Variants in NAT1 observed in about 807,000 individuals in gnomAD.
NAT1 encodes the protein arylamine N-acetyltransferase 1.
For synonymous variants in NAT1, 144 were observed against 122.6 expected (o/e 1.17, Z -1.16); for missense variants, 400 against 339.2 (o/e 1.18, Z -1.41).
upstream of NAT1, among the ~76,000 whole-genome samples, chr8:18,209,534 T>C (rs890810064): frequency 6.6e-6 from 1 of 152,096 alleles, no homozygotes; most frequent in Non-Finnish European, 1.5e-5. Flanking sequence ...ATCAATACCA[T>C]GAATGTAAAT....
At chr8:18,200,890 G>A (rs1170211506) in intron 2 of NAT1, 1 of 152,082 alleles carries the variant, frequency 6.6e-6, no homozygotes, top group Non-Finnish European at 1.5e-5. Flanking sequence ...TTGTAGTGAG[G>A]GTCTTCCCTT....
intron 2 of NAT1, among the ~76,000 whole-genome samples, chr8:18,188,493 A>C (rs1254400736): frequency 6.6e-6 from 1 of 152,074 alleles, no homozygotes; most frequent in East Asian, 1.9e-4. Flanking sequence ...TTAGCTTTTG[A>C]CTCAAGTTTA....
chr8:18,188,169 A>G lies in NAT1; in HGVS notation n.92+17430A>G, dbSNP rs145848578. 5.4e-3 allele frequency among the ~76,000 whole-genome samples: 829 copies of G among 152,358 alleles called. 7 individuals are homozygous for G. The highest frequency in any genetic ancestry group is 0.019 in the African/African-American group (770 of 41,574). On this transcript the variant is annotated intron_variant and non_coding_transcript_variant, in intron 2 of 4. Coordinates refer to the NAT1 transcript ENST00000517441. ...TAAAGGACGCTAAATAGCATAATAG[A>G]AAGTCTGTATGTATGTGATTTCACA... is the stretch of plus-strand genomic sequence containing the variant.
chr8:18,207,168 G>C (rs1406906369), upstream of NAT1, among the ~76,000 whole-genome samples: 9 of 152,138 alleles, frequency 5.9e-5, no homozygotes, highest in Admixed American at 5.9e-4. Flanking sequence ...GTTTGTTGAA[G>C]ATTAGATGAT....
rs547915278 is a variant in NAT1 at position 18,203,444 on chromosome 8, C to G, written n.93-6337C>G. ...CTGGTAAGATAAGTTTAGGCTATCT[C>G]TCCTAGATTTTTAAGGTCACAAATG... On this transcript the variant is annotated intron_variant and non_coding_transcript_variant, in intron 2 of 4. Coordinates refer to the NAT1 transcript ENST00000517441. 3.9e-5 allele frequency among the ~76,000 whole-genome samples: 6 copies of G among 152,298 alleles called. No individual in the cohort carries two copies. The East Asian group carries it at 1.2e-3, about 29-fold the overall frequency.
At chr8:18,177,969 C>T (rs1022299301) in intron 2 of NAT1, among the ~76,000 whole-genome samples, 23 of 152,060 alleles carry the variant, frequency 1.5e-4, no homozygotes, top group African/African-American at 5.1e-4. Context: ...CAGTGAGAAA[C>T]AGCTGAGTCA....
At chr8:18,201,847 A>T (rs1320013237) in intron 2 of NAT1, among the ~76,000 whole-genome samples, 1 of 152,194 alleles carries the variant, frequency 6.6e-6, no homozygotes, top group Non-Finnish European at 1.5e-5. Flanking sequence ...TTTCACACAC[A>T]TATGAAGCCC....
intron 1 of NAT1, among the ~76,000 whole-genome samples, chr8:18,219,153 G>T (rs931342764): frequency 6.6e-6 from 1 of 152,036 alleles, no homozygotes; most frequent in African/African-American, 2.4e-5. Flanking sequence ...GGGAGGCTGT[G>T]GAAGCCCCGC....
chr8:18,182,876 G>C (rs963084103), intron 2 of NAT1, among the ~76,000 whole-genome samples: 3 of 151,848 alleles, frequency 2.0e-5, no homozygotes, highest in African/African-American at 4.8e-5. Flanking sequence ...CATTTATTTA[G>C]GACTTTAAAA....
intron 2 of NAT1, among the ~76,000 whole-genome samples, chr8:18,194,474 T>C (rs1201520564): frequency 1.3e-5 from 2 of 152,138 alleles, no homozygotes; most frequent in African/African-American, 2.4e-5. Context: ...TATCTCCATA[T>C]AGAGAGTTTA....
At chr8:18,187,814 T>C (rs544755932) in intron 2 of NAT1, among the ~76,000 whole-genome samples, 36 of 152,162 alleles carry the variant, frequency 2.4e-4, no homozygotes, top group African/African-American at 7.7e-4. Flanking sequence ...GACATGAGTT[T>C]ACCTATATAA....
At chr8:18,193,392 G>A (rs1237196381) in intron 2 of NAT1, among the ~76,000 whole-genome samples, 1 of 149,124 alleles carries the variant, frequency 6.7e-6, no homozygotes, top group Non-Finnish European at 1.5e-5. Flanking sequence ...GGGAGGCAGG[G>A]GTTGCAGTGA....
At chr8:18,202,900 C>T (rs1455479318) in intron 2 of NAT1, among the ~76,000 whole-genome samples, 1 of 152,182 alleles carries the variant, frequency 6.6e-6, no homozygotes, top group Admixed American at 6.5e-5. Context: ...CCACACACGT[C>T]CTGCTGATTG....
chr8:18,175,413 G>T, intron 2 of NAT1, among the ~76,000 whole-genome samples: 1 of 151,584 alleles, frequency 6.6e-6, no homozygotes, highest in Admixed American at 6.6e-5. Flanking sequence ...TATACTTTTT[G>T]TTTCTATGAG....
At chr8:18,209,031 G>A (rs28359473), upstream of NAT1, among the ~76,000 whole-genome samples, 1 of 152,224 alleles carries the variant, frequency 6.6e-6, no homozygotes, top group African/African-American at 2.4e-5. Flanking sequence ...TCATTGGCAA[G>A]CTACCTGTGA....
chr8:18,204,204 A>G (rs1357989697), intron 2 of NAT1, among the ~76,000 whole-genome samples: 1 of 151,554 alleles, frequency 6.6e-6, no homozygotes, highest in Non-Finnish European at 1.5e-5. Context: ...CTGCTCTCCC[A>G]TATCCTTTTT....
Position 18,222,111 on chromosome 8 carries a change from G to C in NAT1, c.64G>C (p.Glu22Gln). ...GAAGTCTAGGAACAAATTGGACTTG[G>C]AAACATTAACTGACATTCTTCAACA... is the stretch of plus-strand genomic sequence containing the variant. Reference protein sequence around the residue: ...YKKSRNKLDLETLTDILQHQI... With the variant: ...YKKSRNKLDLQTLTDILQHQI... Residue 22 changes from glutamate to glutamine, a missense_variant, in exon 3 of 3, where the codon GAA becomes CAA. Physicochemically the swap from Glu to Gln is conservative, Grantham distance 29. Transcript: ENST00000307719. 6.2e-7 allele frequency: 1 copy of C among 1,614,094 alleles called. No individual in the cohort carries two copies. The highest frequency in any genetic ancestry group is 1.1e-5 in the South Asian group (1 of 91,080).
intron 1 of NAT1, among the ~76,000 whole-genome samples, 171 bp from the exon 2 acceptor site, chr8:18,219,240 T>C (rs1293555221): frequency 3.9e-5 from 6 of 152,298 alleles, no homozygotes; most frequent in African/African-American, 1.4e-4. Context: ...ATCTCCATAG[T>C]TGTAGTTTCC....
intron 2 of NAT1, among the ~76,000 whole-genome samples, chr8:18,198,925 C>T (rs1563174036): frequency 6.6e-6 from 1 of 152,154 alleles, no homozygotes; most frequent in East Asian, 1.9e-4. Flanking sequence ...CAGAAGTCAG[C>T]TTAATTAAAA....
Sources: gnomAD v4.1 joint callset for allele counts (sites outside exome capture counted in the v4.1 genomes callset) on GRCh38, gnomAD v4.1.1 for gene constraint, MANE v1.5 for transcripts, NCBI Gene and HGNC (gene_info 2026-07-23, HGNC 2026-07-21) for gene names.